The following NRG3 variants were observed in gnomAD, a reference collection of about 807,000 sequenced individuals.
NRG3 encodes the protein pro-neuregulin-3, membrane-bound isoform.
Under a neutral mutation model 66.9 loss-of-function variants are expected in NRG3, and 31 were observed. The ratio of observed to expected loss-of-function variants is 0.46; its 90% CI spans 0.35 to 0.63. The LOEUF (loss-of-function observed/expected upper bound fraction) is 0.63, where lower values mean the gene tolerates loss of function less well. Among genes scored for constraint, NRG3 ranks in the 20% least tolerant of loss-of-function variants. The pLI, the probability that NRG3 is intolerant of heterozygous loss-of-function variation, is 0.00. For synonymous variants in NRG3, 393 were observed against 359.4 expected, an observed-to-expected ratio of 1.09 and a Z score of -1.06; for missense variants, 910 against 878.9, an observed-to-expected ratio of 1.04 and a Z score of -0.45.
At chr10:82,868,714 A>G (rs1309398030) in intron 4 of NRG3, among the ~76,000 whole-genome samples, 2 of 152,086 alleles carry the variant, frequency 1.3e-5, no homozygotes, top group East Asian at 1.9e-4. Flanking sequence ...ATTTTTTGAG[A>G]TGGAGTCTCA....
intron 1 of NRG3, among the ~76,000 whole-genome samples, chr10:81,926,352 G>A (rs1421741789): frequency 2.6e-5 from 4 of 151,786 alleles, no homozygotes; most frequent in Admixed American, 1.3e-4. Context: ...AACTCCTGAC[G>A]TCAAGTAATA....
At chr10:82,560,961 A>C (rs1394208322) in intron 2 of NRG3, among the ~76,000 whole-genome samples, 1 of 152,070 alleles carries the variant, frequency 6.6e-6, no homozygotes, top group Admixed American at 6.5e-5. Context: ...TATTTATTGA[A>C]GATTACTGTA....
At chr10:82,284,601 G>A (rs936558107) in intron 1 of NRG3, among the ~76,000 whole-genome samples, 3 of 152,112 alleles carry the variant, frequency 2.0e-5, no homozygotes, top group Non-Finnish European at 4.4e-5. Flanking sequence ...TTTCTTTAAT[G>A]ATTTCTTTAA....
intron 1 of NRG3, among the ~76,000 whole-genome samples, chr10:82,157,355 C>T (rs1022682700): frequency 6.6e-6 from 1 of 151,594 alleles, no homozygotes; most frequent in African/African-American, 2.4e-5. Context: ...AGTCATATTC[C>T]AGAAGGATTC....
intron 5 of NRG3, among the ~76,000 whole-genome samples, chr10:82,952,195 G>T (rs1157416738): frequency 3.9e-5 from 6 of 152,212 alleles, no homozygotes; most frequent in Admixed American, 2.0e-4. Flanking sequence ...CACGTTGAGG[G>T]GCCGAGGCAA....
chr10:82,088,465 G>A (rs2065849780), intron 1 of NRG3, among the ~76,000 whole-genome samples: 1 of 152,108 alleles, frequency 6.6e-6, no homozygotes, highest in Non-Finnish European at 1.5e-5. Flanking sequence ...TCTAAATGGT[G>A]TCCAGATTTG....
chr10:82,272,168 C>T (rs1019821820), intron 1 of NRG3, among the ~76,000 whole-genome samples: 6 of 151,798 alleles, frequency 4.0e-5, no homozygotes, highest in African/African-American at 7.3e-5. Context: ...TGAATTGTGG[C>T]GAGAGCTTTG....
intron 3 of NRG3, among the ~76,000 whole-genome samples, chr10:82,783,595 C>T (rs1201613145): frequency 1.3e-5 from 2 of 152,118 alleles, no homozygotes; most frequent in East Asian, 1.9e-4. Flanking sequence ...CATGAGTGAA[C>T]TCCCATTCAC....
chr10:82,882,453 A>C (rs1374035548), intron 4 of NRG3, among the ~76,000 whole-genome samples: 1 of 152,214 alleles, frequency 6.6e-6, no homozygotes, highest in Admixed American at 6.5e-5. Context: ...TGTCCCACAT[A>C]CACCTAACAT....
chr10:82,351,605 C>A (rs760239949), intron 1 of NRG3, among the ~76,000 whole-genome samples: 11 of 152,166 alleles, frequency 7.2e-5, no homozygotes, highest in Admixed American at 2.0e-4. Flanking sequence ...CTACAAATGG[C>A]CATGTTCTTT....
At chr10:82,956,421 T>G (rs1401747880) in intron 5 of NRG3, among the ~76,000 whole-genome samples, 2 of 151,786 alleles carry the variant, frequency 1.3e-5, no homozygotes, top group Non-Finnish European at 2.9e-5. Context: ...AAAAAGTGTG[T>G]GCTTGTGAGA....
intron 1 of NRG3, among the ~76,000 whole-genome samples, chr10:82,154,977 A>G (rs2071078043): frequency 6.6e-6 from 1 of 151,820 alleles, no homozygotes. Flanking sequence ...CTTCTATATA[A>G]GATCATCAGC....
At chr10:82,971,169 C>T (rs1851689410) in intron 6 of NRG3, among the ~76,000 whole-genome samples, 1 of 152,108 alleles carries the variant, frequency 6.6e-6, no homozygotes. Context: ...AGGATACAAA[C>T]CATTCATGAA....
intron 1 of NRG3, among the ~76,000 whole-genome samples, chr10:82,165,289 G>A (rs2071952810): frequency 6.6e-6 from 1 of 151,820 alleles, no homozygotes; most frequent in African/African-American, 2.4e-5. Context: ...ATAAAAATAC[G>A]ATTTGCATTC....
chr10:82,877,537 CTTTTTTTT>C (rs61471998), intron 4 of NRG3, among the ~76,000 whole-genome samples: 3 of 74,942 alleles, frequency 4.0e-5, no homozygotes, highest in African/African-American at 1.2e-4. Flanking sequence ...CCACACCCGG[CTTTTTTTT>C]TTTTTTTTTT....
chr10:82,889,731 G>T (rs1341406834), intron 4 of NRG3, among the ~76,000 whole-genome samples: 2 of 152,210 alleles, frequency 1.3e-5, no homozygotes, highest in Non-Finnish European at 2.9e-5. Context: ...AGTCTTAAGT[G>T]ATTCCCATTC....
At chr10:82,064,979 C>T (rs1216437539) in intron 1 of NRG3, among the ~76,000 whole-genome samples, 1 of 152,170 alleles carries the variant, frequency 6.6e-6, no homozygotes, top group Non-Finnish European at 1.5e-5. Flanking sequence ...TGTTATTTAA[C>T]ACTTAAACTT....
chr10:82,111,271 TG>T (rs1306879013), intron 1 of NRG3, among the ~76,000 whole-genome samples: 1 of 152,212 alleles, frequency 6.6e-6, no homozygotes. Flanking sequence ...ACTGAGTTTG[TG>T]GTCAACTGAG....
chr10:82,951,432 C>T, intron 4 of NRG3, 37 bp from the exon 5 acceptor site: 1 of 1,505,492 alleles, frequency 6.6e-7, no homozygotes, highest in Non-Finnish European at 9.2e-7. Flanking sequence ...ATGCACCCCG[C>T]TAGCATCCAT....
Sources: allele counts gnomAD v4.1 joint callset (sites outside exome capture counted in the v4.1 genomes callset), GRCh38; gene constraint gnomAD v4.1.1; transcripts MANE v1.5; gene names NCBI Gene and HGNC (gene_info 2026-07-23, HGNC 2026-07-21).